The following ARHGEF3 variants were observed in gnomAD, a reference collection of about 807,000 sequenced individuals.
The protein encoded by ARHGEF3 is Rho guanine nucleotide exchange factor 3, also known as 59.8 kDA protein.
ARHGEF3 carries 28 observed loss-of-function variants against 63.2 expected under a neutral mutation model. That is an observed-to-expected ratio of 0.44 (90% CI 0.33 to 0.61). The LOEUF (loss-of-function observed/expected upper bound fraction) is 0.61. Among genes scored for constraint, ARHGEF3 ranks in the 20% least tolerant of loss-of-function variants. The pLI is 0.03. For missense variants in ARHGEF3, 533 were observed against 659.3 expected, an observed-to-expected ratio of 0.81 and a Z score of 2.10; for synonymous variants, 266 against 254.2, an observed-to-expected ratio of 1.05 and a Z score of -0.44.
At chr3:56,814,440 A>G (rs1373534355) in intron 4 of ARHGEF3, among the ~76,000 whole-genome samples, 3 of 152,238 alleles carry the variant, frequency 2.0e-5, no homozygotes, top group South Asian at 2.1e-4. Flanking sequence ...CTGGGTTCAA[A>G]TACCAAGTTT....
intron 4 of ARHGEF3, among the ~76,000 whole-genome samples, chr3:56,874,702 C>T (rs1401903165): frequency 2.6e-5 from 4 of 152,132 alleles, no homozygotes; most frequent in Non-Finnish European, 5.9e-5. Flanking sequence ...GCCAATAAGA[C>T]CAGCTAAAAG....
intron 2 of ARHGEF3, among the ~76,000 whole-genome samples, chr3:57,013,938 A>T (rs991327505): frequency 6.6e-6 from 1 of 152,214 alleles, no homozygotes; most frequent in Non-Finnish European, 1.5e-5. Context: ...TCTTTGGGTC[A>T]ATTTCCACTC....
At chr3:56,968,070 A>AT (rs1700682610) in intron 2 of ARHGEF3, among the ~76,000 whole-genome samples, 4 of 58,380 alleles carry the variant, frequency 6.9e-5, no homozygotes, top group African/African-American at 1.4e-4. Flanking sequence ...TAATATATAT[A>AT]ATATATTATA....
At chr3:56,760,985 C>T (rs1002227404) in intron 2 of ARHGEF3, among the ~76,000 whole-genome samples, 2 of 152,262 alleles carry the variant, frequency 1.3e-5, no homozygotes, top group South Asian at 2.1e-4. Context: ...GAATGCCAAC[C>T]ATTTGTCCAG....
chr3:57,016,997 TTCTC>T (rs1703034767), intron 2 of ARHGEF3, among the ~76,000 whole-genome samples: 1 of 108,996 alleles, frequency 9.2e-6, no homozygotes, highest in Admixed American at 8.8e-5. Context: ...GAGGAAAGCT[TTCTC>T]TCTGTCTCTC....
chr3:57,022,038 A>G (rs1443812267), intron 2 of ARHGEF3, among the ~76,000 whole-genome samples: 3 of 152,218 alleles, frequency 2.0e-5, no homozygotes, highest in Non-Finnish European at 4.4e-5. Flanking sequence ...TGAGAGGCTG[A>G]GACAGGAGGA....
At chr3:56,884,213 G>A (rs60833190) in intron 3 of ARHGEF3, among the ~76,000 whole-genome samples, 52,707 of 151,974 alleles carry the variant, frequency 0.35, 9,492 homozygotes, top group Non-Finnish European at 0.4. Context: ...AAAGGAAGAG[G>A]AGTAAATATA....
At chr3:56,903,980 C>T (rs972421778) in intron 3 of ARHGEF3, among the ~76,000 whole-genome samples, 20 of 151,634 alleles carry the variant, frequency 1.3e-4, no homozygotes, top group African/African-American at 4.6e-4. Context: ...CCTCCTGCCT[C>T]AGCCTCCCAA....
chr3:56,946,964 G>A (rs1699537615), intron 3 of ARHGEF3, among the ~76,000 whole-genome samples: 1 of 152,176 alleles, frequency 6.6e-6, no homozygotes, highest in Admixed American at 6.5e-5. Flanking sequence ...GAGAGTGGGG[G>A]CCAATATTCG....
Position 57,002,500 on chromosome 3 carries a change from A to ATATATATATATATGTTATATATATATGT in ARHGEF3, c.62+32587_62+32588insACATATATATATAACATATATATATATA, listed in dbSNP as rs1553802547. ...TATGTTATATATATATATATATGTT[A>ATATATATATATATGTTATATATATATGT]TATATATATATATGTTATATATGTA... On this transcript the variant is annotated intron_variant, in intron 2 of 12. Transcript: ENST00000338458. 1.2e-4 allele frequency among the ~76,000 whole-genome samples: 7 copies of ATATATATATATATGTTATATATATATGT among 60,120 alleles called. 1 individual carries two copies. Among genetic ancestry groups the ATATATATATATATGTTATATATATATGT allele is most frequent in the South Asian group, 5.2e-4 (1 of 1,926 alleles). The allele number at this position is 60,120 out of a possible 152,430, so 39.4% of individuals were successfully genotyped here.
At chr3:56,750,990 C>G (rs2034707052) in intron 6 of ARHGEF3, 66 bp downstream of exon 6, 1 of 1,154,398 alleles carries the variant, frequency 8.7e-7, no homozygotes, top group Non-Finnish European at 1.2e-6. Flanking sequence ...AAAAGTCTAG[C>G]TAAAATGAAA....
chr3:56,763,857 G>A (rs151089854), intron 2 of ARHGEF3, among the ~76,000 whole-genome samples: 18 of 152,170 alleles, frequency 1.2e-4, no homozygotes, highest in African/African-American at 3.9e-4. Flanking sequence ...TTACAGGTGT[G>A]AGCCACTGCA....
intron 3 of ARHGEF3, among the ~76,000 whole-genome samples, chr3:56,896,768 A>G (rs1325212003): frequency 6.6e-6 from 1 of 152,212 alleles, no homozygotes; most frequent in Non-Finnish European, 1.5e-5. Flanking sequence ...GTAATAAGAG[A>G]ATATTTTTTT....
chr3:56,891,418 T>C (rs1390447734), intron 3 of ARHGEF3, among the ~76,000 whole-genome samples: 2 of 151,970 alleles, frequency 1.3e-5, no homozygotes, highest in African/African-American at 2.4e-5. Flanking sequence ...AGTCCTTTTT[T>C]CTAGGCTGTC....
At chr3:56,927,745 G>A (rs1056525552) in intron 3 of ARHGEF3, among the ~76,000 whole-genome samples, 3 of 151,966 alleles carry the variant, frequency 2.0e-5, no homozygotes, top group Non-Finnish European at 4.4e-5. Flanking sequence ...TGCAGAGTTG[G>A]GAAAGTCATT....
At chr3:56,780,569 G>A (rs1332378713) in intron 1 of ARHGEF3, among the ~76,000 whole-genome samples, 1 of 152,158 alleles carries the variant, frequency 6.6e-6, no homozygotes, top group Non-Finnish European at 1.5e-5. Flanking sequence ...TTCTGTTCCA[G>A]GATCTAATCT....
intron 4 of ARHGEF3, among the ~76,000 whole-genome samples, chr3:56,815,617 G>T (rs1314037741): frequency 6.6e-6 from 1 of 152,182 alleles, no homozygotes; most frequent in African/African-American, 2.4e-5. Flanking sequence ...TATGAGAAAA[G>T]AATTACTGAG....
intron 1 of ARHGEF3, among the ~76,000 whole-genome samples, chr3:57,047,769 G>A (rs1354786324): frequency 7.9e-5 from 12 of 152,192 alleles, no homozygotes; most frequent in Admixed American, 5.9e-4. Flanking sequence ...ATGTAAGAGA[G>A]GAGACCTCTG....
chr3:56,822,764 G>C (rs1414020802), intron 4 of ARHGEF3, among the ~76,000 whole-genome samples: 1 of 149,268 alleles, frequency 6.7e-6, no homozygotes, highest in East Asian at 2.0e-4. Flanking sequence ...GAGTCAACGA[G>C]AATCACTTGA....
Sources: allele counts gnomAD v4.1 joint callset (sites outside exome capture counted in the v4.1 genomes callset), GRCh38; gene constraint gnomAD v4.1.1; transcripts MANE v1.5; gene names NCBI Gene and HGNC (gene_info 2026-07-23, HGNC 2026-07-21).